ESYT3: variants seen among roughly 807,000 people sequenced by gnomAD.
ESYT3 encodes the protein extended synaptotagmin-3.
In ESYT3, 101 loss-of-function variants were observed where a neutral mutation model predicts 111.5. The ratio of observed to expected loss-of-function variants is 0.91; its 90% CI spans 0.77 to 1.07. The LOEUF is 1.07. Ranked by LOEUF, ESYT3 falls within the 50% of genes least tolerant of loss-of-function variation. ESYT3 has a pLI of 0.00. For missense variants in ESYT3, 1,097 were observed against 1,109.4 expected (o/e 0.99, Z 0.16); for synonymous variants, 416 against 446.8 (o/e 0.93, Z 0.87).
chr3:138,446,877 A>G (rs770085241), intron 1 of ESYT3, among the ~76,000 whole-genome samples: 62 of 152,242 alleles, frequency 4.1e-4, no homozygotes, highest in Non-Finnish European at 6.5e-4. Context: ...ACAAACAAAC[A>G]AACAAACAAT....
At position 138,476,453 on chromosome 3, in the gene ESYT3, A is replaced by G. The variant is rs377181733; in HGVS notation, c.2585A>G (p.Asp862Gly). The G allele has an allele frequency of 1.5e-5, 25 of 1,613,876 alleles. No individual in the cohort carries two copies. Among genetic ancestry groups the G allele is most frequent in the Non-Finnish European group, 1.8e-5 (21 of 1,179,960 alleles). The change falls in exon 22 of 23, where the codon GAC (aspartate) becomes GGC (glycine). Residue 862 changes from aspartate (D) to glycine (G), a missense_variant. Transcript: ENST00000389567. Reference protein sequence around the residue: ...RRKELGKVLIDLSKEDLIKGF... With the variant: ...RRKELGKVLIGLSKEDLIKGF... Reference sequence around the variant, plus strand: ...TTTGTGATTATTTAGGTACTGATTGACTTATCAAAAGAAGATCTGATTAAG... The same window carrying G: ...TTTGTGATTATTTAGGTACTGATTGGCTTATCAAAAGAAGATCTGATTAAG...
At chr3:138,462,480 C>T (rs2032702983) in intron 8 of ESYT3, 1 of 546,758 alleles carries the variant, frequency 1.8e-6, no homozygotes, top group Admixed American at 3.1e-5. Context: ...TTTACATTGA[C>T]TTGTTTCATT....
intron 1 of ESYT3, among the ~76,000 whole-genome samples, chr3:138,444,468 T>G (rs909215775): frequency 1.3e-5 from 2 of 152,178 alleles, no homozygotes; most frequent in African/African-American, 4.8e-5. Context: ...AGATGAAGCT[T>G]GCTAGAGAGC....
At chr3:138,459,073 T>C (rs2032464484) in intron 4 of ESYT3, 114 bp from the exon 5 acceptor site, 5 of 743,310 alleles carry the variant, frequency 6.7e-6, no homozygotes, top group Non-Finnish European at 1.1e-5. Flanking sequence ...GAGCTCAGGG[T>C]CGGCAACTGG....
intron 20 of ESYT3, 123 bp from the exon 21 acceptor site, chr3:138,476,100 T>G: frequency 1.5e-6 from 1 of 658,640 alleles, no homozygotes; most frequent in Non-Finnish European, 2.7e-6. Flanking sequence ...GAGCCAGTCC[T>G]GCTCTAGGTG....
chr3:138,469,297 C>T, intron 14 of ESYT3, 139 bp from the exon 15 acceptor site: 1 of 719,328 alleles, frequency 1.4e-6, no homozygotes, highest in Non-Finnish European at 2.4e-6. Flanking sequence ...GGGACTGGGG[C>T]ATTAGAGTAG....
At chr3:138,466,408 A>T (rs2032930351) in intron 10 of ESYT3, among the ~76,000 whole-genome samples, 1 of 152,220 alleles carries the variant, frequency 6.6e-6, no homozygotes. Flanking sequence ...ATTAGCCTGG[A>T]TGTTAATACA....
intron 1 of ESYT3, among the ~76,000 whole-genome samples, chr3:138,438,545 C>G (rs1419191118): frequency 6.6e-6 from 1 of 152,204 alleles, no homozygotes; most frequent in Non-Finnish European, 1.5e-5. Context: ...TCCAAGGCAG[C>G]CATCGTCAGC....
rs1488643533 is a variant in ESYT3 at position 138,474,277 on chromosome 3, T to G, written c.2393T>G (p.Leu798Trp). ...GATCCCTACGTCCGTGTCTACTTGT[T>G]GCCAGAAAGGAAGTGGGCATGTCGT... The part of the protein sequence containing the change: ...GADPYVRVYL[L>W]PERKWACRKK... Residue 798 changes from leucine (L) to tryptophan (W), a missense_variant, in exon 20 of 23, where the codon TTG becomes TGG. Transcript: ENST00000389567. The G allele has an allele frequency of 6.2e-7, 1 of 1,613,524 alleles. No homozygotes were observed. The highest frequency in any genetic ancestry group is 8.5e-7 in the Non-Finnish European group (1 of 1,179,872).
rs944213970 is a variant in ESYT3 at position 138,476,840 on chromosome 3, C to T, written c.2647C>T (p.Gln883Ter). The T allele has an allele frequency of 1.2e-6, 2 of 1,613,946 alleles. No individual in the cohort carries two copies. Among genetic ancestry groups the T allele is most frequent in the Admixed American group, 3.3e-5 (2 of 60,028 alleles). Residue 883 changes from glutamine to a stop codon, truncating the protein, a stop_gained, in exon 23 of 23, where the codon CAG (glutamine) becomes TAG (stop). Transcript: ENST00000389567. LOFTEE classifies it high-confidence loss of function. ...SQWYELTPNG[Q>*]PRS ...CAGGTATGAGCTGACTCCAAATGGACAGCCCAGAAGCTGATGATGAGAATT... is the reference window on the plus strand; with the variant it reads ...CAGGTATGAGCTGACTCCAAATGGATAGCCCAGAAGCTGATGATGAGAATT...
At chr3:138,448,554 A>G (rs1560216638) in intron 1 of ESYT3, among the ~76,000 whole-genome samples, 2 of 152,168 alleles carry the variant, frequency 1.3e-5, no homozygotes, top group Admixed American at 6.5e-5. Context: ...GTCTCACCTT[A>G]TGTAAAAAAA....
intron 14 of ESYT3, 74 bp downstream of exon 14, chr3:138,468,955 A>G (rs766066198): frequency 6.8e-7 from 1 of 1,465,352 alleles, no homozygotes; most frequent in South Asian, 1.1e-5. Context: ...CCACAACCCC[A>G]TGTCTTCTGG....
intron 18 of ESYT3, chr3:138,473,074 T>C (rs1405830236): frequency 1.1e-5 from 15 of 1,416,400 alleles, no homozygotes; most frequent in South Asian, 1.6e-5. Flanking sequence ...GACTATAAAA[T>C]AGATGCTGGA....
At chr3:138,465,471 C>G in intron 10 of ESYT3, 50 bp downstream of exon 10, 1 of 1,460,214 alleles carries the variant, frequency 6.8e-7, no homozygotes, top group Non-Finnish European at 9.4e-7. Flanking sequence ...TCCCTCCCTG[C>G]GGGGTGCTGG....
intron 1 of ESYT3, among the ~76,000 whole-genome samples, chr3:138,438,901 G>A (rs1209321015): frequency 1.3e-5 from 2 of 152,208 alleles, no homozygotes; most frequent in African/African-American, 4.8e-5. Context: ...AAGGCAGGGT[G>A]GCCCCCGCAG....
chr3:138,476,364 T>C, intron 21 of ESYT3, 36 bp downstream of exon 21: 2 of 1,599,478 alleles, frequency 1.3e-6, no homozygotes, highest in Non-Finnish European at 1.7e-6. Context: ...CCAAGGAGAT[T>C]ATGATCAATT....
At position 138,459,201 on chromosome 3, in the gene ESYT3, G is replaced by C. The variant is rs1424204231; in HGVS notation, c.596G>C (p.Cys199Ser). 1.3e-6 allele frequency: 2 copies of C among 1,539,242 alleles called. No individual in the cohort carries two copies. Among genetic ancestry groups the C allele is most frequent in the African/African-American group, 2.8e-5 (2 of 72,716 alleles). Residue 199 changes from cysteine (C) to serine (S), a missense_variant, in exon 5 of 23, where the codon TGT (cysteine) becomes TCT (serine). By Grantham distance (112) the Cys-to-Ser change is moderately radical. Coordinates refer to ENST00000389567, the MANE Select transcript of ESYT3 (RefSeq NM_031913.5). ...VDLQICYIGD[C>S]EISVELQKIQ... ...CCCCATTTCAGCTACATCGGGGACT[G>C]TGAGATCAGTGTGGAGCTGCAGAAG...
Position 138,470,157 on chromosome 3 carries a change from A to C in ESYT3, c.1590+11A>C, listed in dbSNP as rs374668572. On this transcript the variant is annotated intron_variant, in intron 16 of 22. Transcript: ENST00000389567. Reference sequence around the variant, plus strand: ...CGGCTCCATCTGAAGGTTTGATGGAAGAAGGGCTCTTGAAACAGAGTTAAG... The same window carrying C: ...CGGCTCCATCTGAAGGTTTGATGGACGAAGGGCTCTTGAAACAGAGTTAAG... 6 of 1,609,960 alleles carry C rather than the reference A, an allele frequency of 3.7e-6. No homozygotes were observed. In the African/African-American group the frequency reaches 6.7e-5, roughly 18 times the overall value.
intron 12 of ESYT3, 119 bp downstream of exon 12, chr3:138,468,313 C>T (rs554944467): frequency 3.2e-5 from 29 of 909,762 alleles, no homozygotes; most frequent in Admixed American, 2.0e-4. Context: ...TCCTGAAGAA[C>T]ATGTCACTCA....
Sources: allele counts gnomAD v4.1 joint callset (sites outside exome capture counted in the v4.1 genomes callset), GRCh38; gene constraint gnomAD v4.1.1; transcripts MANE v1.5; gene names NCBI Gene and HGNC (gene_info 2026-07-23, HGNC 2026-07-21).